The following RGS6 variants were observed in gnomAD, a reference collection of about 807,000 sequenced individuals.
RGS6 encodes the protein regulator of G protein signaling 6.
Under a neutral mutation model 78.5 loss-of-function variants are expected in RGS6, and 30 were observed. The ratio of observed to expected loss-of-function variants is 0.38; its 90% confidence interval spans 0.29 to 0.52. RGS6 has a LOEUF of 0.52. Ranked by LOEUF, RGS6 falls within the 20% of genes least tolerant of loss-of-function variation. RGS6 has a pLI of 0.85. For synonymous variants in RGS6, 206 were observed against 206.0 expected (o/e 1.00, Z 0.00); for missense variants, 495 against 609.7 (o/e 0.81, Z 1.98).
In RGS6 at chr14:72,541,527, A is replaced by G. The variant is rs1421963348; in HGVS notation, c.1422+1433A>G. On this transcript the variant is annotated intron_variant, in intron 17 of 17. Coordinates refer to ENST00000553525, the MANE Select transcript of RGS6 (RefSeq NM_001204424.2). Reference sequence around the variant, plus strand: ...GTCTATCTTCATGGCTGCTTTGCCAATGGCCGTGTGGCTCCGCACACCAAG... The same window carrying G: ...GTCTATCTTCATGGCTGCTTTGCCAGTGGCCGTGTGGCTCCGCACACCAAG... 5.2e-6 allele frequency: 8 copies of G among 1,535,596 alleles called. 1 individual carries two copies. In the South Asian group the frequency reaches 5.9e-5, roughly 11 times the overall value.
At chr14:71,988,822 TACAAGATAAATTAGAA>T (rs1199534428) in intron 2 of RGS6, among the ~76,000 whole-genome samples, 1 of 152,118 alleles carries the variant, frequency 6.6e-6, no homozygotes, top group Non-Finnish European at 1.5e-5. Flanking sequence ...GGAGGGGGTA[TACAAGATAAATTAGAA>T]ACAAGTGCAC....
intron 3 of RGS6, among the ~76,000 whole-genome samples, chr14:72,359,566 C>T (rs902495411): frequency 1.3e-5 from 2 of 152,044 alleles, no homozygotes; most frequent in Non-Finnish European, 2.9e-5. Context: ...GTATTTAGAG[C>T]CATAGGAATA....
At chr14:72,273,224 G>C (rs546721653) in intron 2 of RGS6, among the ~76,000 whole-genome samples, 49 of 152,274 alleles carry the variant, frequency 3.2e-4, no homozygotes, top group African/African-American at 1.2e-3. Context: ...TGAGAAAGTT[G>C]ATTCCGGCTT....
At chr14:71,899,594 C>T in the RGS6 span, among the ~76,000 whole-genome samples, 1 of 152,186 alleles carries the variant, frequency 6.6e-6, no homozygotes, top group African/African-American at 2.4e-5. Context: ...GTTCAAGTAA[C>T]CCAGGCCTAA....
At chr14:72,507,347 TG>T (rs758494143) in intron 13 of RGS6, among the ~76,000 whole-genome samples, 20 of 152,336 alleles carry the variant, frequency 1.3e-4, no homozygotes, top group Non-Finnish European at 2.5e-4. Flanking sequence ...CAATAGAGCA[TG>T]GCCCTGTCAA....
chr14:72,475,853 C>CA (rs56346600), intron 10 of RGS6, among the ~76,000 whole-genome samples: 1 of 151,266 alleles, frequency 6.6e-6, no homozygotes, highest in Non-Finnish European at 1.5e-5. Context: ...CACACACACA[C>CA]TAGACATGGC....
chr14:72,583,891 AT>A, the RGS6 span, among the ~76,000 whole-genome samples: 3 of 152,202 alleles, frequency 2.0e-5, no homozygotes, highest in African/African-American at 7.2e-5. Flanking sequence ...CTGTCTGCTC[AT>A]GGGGACACAG....
chr14:72,000,793 C>T (rs902906780), intron 2 of RGS6, among the ~76,000 whole-genome samples: 7 of 152,134 alleles, frequency 4.6e-5, no homozygotes, highest in Admixed American at 1.3e-4. Flanking sequence ...GTGACCACAT[C>T]TCAAGGTCAT....
At chr14:72,340,776 A>G (rs930778902) in intron 2 of RGS6, among the ~76,000 whole-genome samples, 2 of 152,128 alleles carry the variant, frequency 1.3e-5, no homozygotes, top group African/African-American at 4.8e-5. Context: ...GCCCTGAAAT[A>G]TTTTTTTAAG....
At chr14:72,118,362 A>G (rs2095959324) in intron 2 of RGS6, among the ~76,000 whole-genome samples, 1 of 152,088 alleles carries the variant, frequency 6.6e-6, no homozygotes, top group Non-Finnish European at 1.5e-5. Context: ...ACCCCACATT[A>G]CTACCCCATG....
At chr14:72,080,381 T>G (rs112201104) in intron 2 of RGS6, among the ~76,000 whole-genome samples, 1 of 152,166 alleles carries the variant, frequency 6.6e-6, no homozygotes, top group Non-Finnish European at 1.5e-5. Flanking sequence ...TGTTATTTAC[T>G]TTCTTGCTAT....
chr14:72,153,808 G>A (rs2096729622), intron 2 of RGS6, among the ~76,000 whole-genome samples: 1 of 152,102 alleles, frequency 6.6e-6, no homozygotes, highest in Non-Finnish European at 1.5e-5. Flanking sequence ...ACAGAACAAA[G>A]GGCAAAAGGC....
At chr14:71,902,959 CTT>C in the RGS6 span, among the ~76,000 whole-genome samples, 1 of 152,196 alleles carries the variant, frequency 6.6e-6, no homozygotes, top group East Asian at 1.9e-4. Flanking sequence ...AATCTTTACT[CTT>C]TAGTTTTTGT....
intron 3 of RGS6, among the ~76,000 whole-genome samples, chr14:72,399,198 T>C (rs1488108181): frequency 6.7e-6 from 1 of 149,656 alleles, no homozygotes; most frequent in Non-Finnish European, 1.5e-5. Context: ...GGGCTTGCTT[T>C]ATGAATCTGG....
intron 2 of RGS6, among the ~76,000 whole-genome samples, chr14:72,285,685 G>T (rs780351317): frequency 6.6e-6 from 1 of 152,116 alleles, no homozygotes; most frequent in Non-Finnish European, 1.5e-5. Flanking sequence ...GCCAGCACTT[G>T]TCTTTTTGAT....
chr14:72,102,643 C>T lies in RGS6; in HGVS notation c.84+137768C>T, dbSNP rs112051494. On this transcript the variant is annotated intron_variant, in intron 2 of 17. Transcript: ENST00000553525. ...TTTAGCATGCCTAACTGTAAAGCACCTTTCCTTGGTCTAAAGGCCAGTGAC... is the reference window on the plus strand; with the variant it reads ...TTTAGCATGCCTAACTGTAAAGCACTTTTCCTTGGTCTAAAGGCCAGTGAC... Among the ~76,000 whole-genome samples the T allele has an allele frequency of 2.7e-3, 416 of 152,256 alleles. 1 individual carries two copies. Among genetic ancestry groups the T allele is most frequent in the Middle Eastern group, 6.8e-3 (2 of 292 alleles).
At chr14:72,146,852 A>G (rs548961302) in intron 2 of RGS6, among the ~76,000 whole-genome samples, 62 of 152,316 alleles carry the variant, frequency 4.1e-4, no homozygotes, top group African/African-American at 1.4e-3. Flanking sequence ...GGCTGAAAGA[A>G]GCCATGCAGC....
At chr14:72,292,330 T>C (rs2063746439) in intron 2 of RGS6, among the ~76,000 whole-genome samples, 1 of 152,214 alleles carries the variant, frequency 6.6e-6, no homozygotes, top group Non-Finnish European at 1.5e-5. Flanking sequence ...TCCATTTCGC[T>C]GATCACACAC....
intron 5 of RGS6, among the ~76,000 whole-genome samples, chr14:72,458,796 C>T (rs1430680370): frequency 6.6e-6 from 1 of 152,174 alleles, no homozygotes. Flanking sequence ...CAGACAGGAC[C>T]TGGGGCTTAT....
Sources: allele counts gnomAD v4.1 joint callset (sites outside exome capture counted in the v4.1 genomes callset), GRCh38; gene constraint gnomAD v4.1.1; transcripts MANE v1.5; gene names NCBI Gene and HGNC (gene_info 2026-07-23, HGNC 2026-07-21).